The following GRID2 variants were observed in gnomAD, a reference collection of about 807,000 sequenced individuals.
The protein encoded by GRID2 is glutamate receptor ionotropic, delta-2.
Under a neutral mutation model 114.8 loss-of-function variants are expected in GRID2, and 33 were observed. The ratio of observed to expected loss-of-function variants is 0.29; its 90% CI spans 0.22 to 0.38. GRID2 has a LOEUF of 0.38. GRID2 is among the 10% of genes least tolerant of loss of function. The pLI is 1.00. For synonymous variants in GRID2, 505 were observed against 449.9 expected, an observed-to-expected ratio of 1.12 and a Z score of -1.55; for missense variants, 1,184 against 1,257.7, an observed-to-expected ratio of 0.94 and a Z score of 0.89.
At chr4:93,478,623 A>G (rs1191874728) in intron 11 of GRID2, among the ~76,000 whole-genome samples, 1 of 151,618 alleles carries the variant, frequency 6.6e-6, no homozygotes, top group Non-Finnish European at 1.5e-5. Flanking sequence ...CTAACTACAT[A>G]TTAAATTAAC....
At chr4:92,585,739 A>G (rs534590749) in intron 1 of GRID2, among the ~76,000 whole-genome samples, 6 of 151,860 alleles carry the variant, frequency 4.0e-5, no homozygotes, top group Non-Finnish European at 8.8e-5. Flanking sequence ...TATCAGGTAA[A>G]TAATGTTTAC....
chr4:92,933,639 T>C (rs1422496884), intron 2 of GRID2, among the ~76,000 whole-genome samples: 2 of 151,516 alleles, frequency 1.3e-5, no homozygotes, highest in Non-Finnish European at 3.0e-5. Flanking sequence ...TATCACAAAG[T>C]TTCATAGTAG....
At chr4:93,796,982 C>A (rs1734816138) in intron 1 of GRID2, among the ~76,000 whole-genome samples, 1 of 152,196 alleles carries the variant, frequency 6.6e-6, no homozygotes, top group African/African-American at 2.4e-5. Context: ...ATAGGGTGTA[C>A]TTACCCAAAC....
At chr4:93,352,367 A>C (rs1319381827) in intron 8 of GRID2, among the ~76,000 whole-genome samples, 1 of 152,092 alleles carries the variant, frequency 6.6e-6, no homozygotes, top group Non-Finnish European at 1.5e-5. Context: ...TGGAAAAATT[A>C]ATCTTGTTGC....
In GRID2 at chr4:93,532,724, T is replaced by A. The variant is rs1359034996; in HGVS notation, c.2193+17313T>A. Among the ~76,000 whole-genome samples the A allele has an allele frequency of 2.0e-5, 3 of 152,184 alleles. No individual in the cohort carries two copies. In the East Asian group the frequency reaches 5.8e-4, roughly 29 times the overall value. On this transcript the variant is annotated intron_variant, in intron 13 of 15. Transcript: ENST00000282020. The stretch of plus-strand genomic sequence containing the variant: ...CCATTTCTCCATTTGGCACTTTGGA[T>A]ATAATAATTATATGCAAATTTGGAC...
intron 2 of GRID2, among the ~76,000 whole-genome samples, chr4:92,908,537 G>C (rs551315497): frequency 6.9e-6 from 1 of 144,828 alleles, no homozygotes; most frequent in East Asian, 2.0e-4. Context: ...ACTCCAGTCC[G>C]GACGACAGAG....
intron 2 of GRID2, among the ~76,000 whole-genome samples, chr4:92,967,016 A>T (rs1002510908): frequency 6.6e-6 from 1 of 151,938 alleles, no homozygotes; most frequent in Non-Finnish European, 1.5e-5. Flanking sequence ...CTTGATTCAC[A>T]CAGGTCAGAA....
intron 2 of GRID2, among the ~76,000 whole-genome samples, chr4:93,068,099 T>C (rs1381987572): frequency 6.6e-6 from 1 of 152,074 alleles, no homozygotes; most frequent in African/African-American, 2.4e-5. Context: ...AATCTCAAAG[T>C]GATTATGATC....
chr4:93,116,818 G>T (rs1733313208), intron 4 of GRID2, among the ~76,000 whole-genome samples: 2 of 151,702 alleles, frequency 1.3e-5, no homozygotes, highest in Non-Finnish European at 2.9e-5. Flanking sequence ...GAGTTATAGT[G>T]CTGTTGGCCA....
chr4:92,675,892 C>A (rs547658546), intron 2 of GRID2, among the ~76,000 whole-genome samples: 7 of 151,750 alleles, frequency 4.6e-5, no homozygotes, highest in Middle Eastern at 6.8e-3. Context: ...GGAAGCGTCC[C>A]CAGGTAGAAA....
chr4:92,487,238 AT>A (rs1246129582), intron 1 of GRID2, among the ~76,000 whole-genome samples: 3 of 151,930 alleles, frequency 2.0e-5, no homozygotes, highest in South Asian at 2.1e-4. Context: ...TTAGACCTAA[AT>A]TTATTTTTCC....
chr4:93,780,032 C>T (rs1561001065), intron 1 of GRID2, among the ~76,000 whole-genome samples: 1 of 152,134 alleles, frequency 6.6e-6, no homozygotes. Context: ...GAAATTCATG[C>T]CTTCATGGAG....
At chr4:92,762,192 C>T (rs567628112) in intron 2 of GRID2, among the ~76,000 whole-genome samples, 4 of 152,076 alleles carry the variant, frequency 2.6e-5, no homozygotes, top group Admixed American at 6.6e-5. Context: ...AGATTACAGG[C>T]GTGAGCCACC....
chr4:92,350,569 T>A (rs1270682078), intron 1 of GRID2, among the ~76,000 whole-genome samples: 1 of 151,890 alleles, frequency 6.6e-6, no homozygotes, highest in East Asian at 1.9e-4. Flanking sequence ...AATCTGTTAC[T>A]TTTTATTTGT....
intron 13 of GRID2, among the ~76,000 whole-genome samples, chr4:93,516,601 CA>C (rs1194905355): frequency 1.3e-5 from 2 of 152,028 alleles, no homozygotes; most frequent in African/African-American, 2.4e-5. Context: ...TGGCTTTCTC[CA>C]AAGAACCATT....
chr4:93,060,469 C>T (rs1390289324), intron 2 of GRID2, among the ~76,000 whole-genome samples: 1 of 151,756 alleles, frequency 6.6e-6, no homozygotes. Flanking sequence ...TATGTTTTTC[C>T]AAAAGTCACA....
intron 8 of GRID2, among the ~76,000 whole-genome samples, chr4:93,309,331 T>C (rs1199346876): frequency 6.6e-6 from 1 of 152,150 alleles, no homozygotes; most frequent in African/African-American, 2.4e-5. Flanking sequence ...GGCTAAGAGT[T>C]CCAGACCAGC....
At chr4:93,382,054 G>A (rs1405780267) in intron 8 of GRID2, among the ~76,000 whole-genome samples, 1 of 151,982 alleles carries the variant, frequency 6.6e-6, no homozygotes, top group African/African-American at 2.4e-5. Flanking sequence ...TTTTCTCTTA[G>A]CACTTTGTAT....
At chr4:92,903,901 G>T (rs1747763374) in intron 2 of GRID2, among the ~76,000 whole-genome samples, 1 of 152,048 alleles carries the variant, frequency 6.6e-6, no homozygotes, top group East Asian at 1.9e-4. Flanking sequence ...ATGGGAGGGT[G>T]TTGGAGAGAG....
Sources: allele counts gnomAD v4.1 joint callset (sites outside exome capture counted in the v4.1 genomes callset), GRCh38; gene constraint gnomAD v4.1.1; transcripts MANE v1.5; gene names NCBI Gene and HGNC (gene_info 2026-07-23, HGNC 2026-07-21).